Variants in MBNL1 observed in about 807,000 individuals in gnomAD.
MBNL1 encodes the protein muscleblind-like protein 1.
A neutral mutation model predicts 42.2 loss-of-function variants in MBNL1; 8 were observed. The ratio of observed to expected loss-of-function variants is 0.19; its 90% CI spans 0.11 to 0.34. The LOEUF is 0.34. MBNL1 is among the 10% of genes least tolerant of loss of function. MBNL1 has a pLI of 1.00. For synonymous variants in MBNL1, 169 were observed against 173.9 expected (o/e 0.97, Z 0.22); for missense variants, 309 against 495.3 (o/e 0.62, Z 3.57).
At chr3:152,374,528 C>T (rs2096817445) in intron 2 of MBNL1, among the ~76,000 whole-genome samples, 1 of 152,172 alleles carries the variant, frequency 6.6e-6, no homozygotes. Flanking sequence ...ACAGATATGC[C>T]TGGTATTCCC....
At chr3:152,415,426 T>C (rs2098683205) in intron 3 of MBNL1, among the ~76,000 whole-genome samples, 1 of 152,216 alleles carries the variant, frequency 6.6e-6, no homozygotes, top group South Asian at 2.1e-4. Flanking sequence ...CTCACCGGTA[T>C]AGTCAATATA....
intron 1 of MBNL1, among the ~76,000 whole-genome samples, chr3:152,296,439 G>A (rs935381488): frequency 6.6e-6 from 1 of 152,192 alleles, no homozygotes; most frequent in Non-Finnish European, 1.5e-5. Context: ...AGACTTGTGA[G>A]TAGGAAGGTA....
intron 2 of MBNL1, among the ~76,000 whole-genome samples, chr3:152,403,656 G>T (rs933193665): frequency 2.6e-5 from 4 of 152,130 alleles, no homozygotes; most frequent in Non-Finnish European, 5.9e-5. Context: ...CTCTAGGTAT[G>T]GGGGTGGAGT....
chr3:152,413,689 T>G (rs1290561741), intron 2 of MBNL1, among the ~76,000 whole-genome samples: 3 of 152,194 alleles, frequency 2.0e-5, no homozygotes, highest in Non-Finnish European at 2.9e-5. Context: ...TATACTAAAT[T>G]GGTGTTTTTA....
chr3:152,278,555 C>T (rs932555878), intron 1 of MBNL1, among the ~76,000 whole-genome samples: 1 of 152,058 alleles, frequency 6.6e-6, no homozygotes, highest in Admixed American at 6.6e-5. Flanking sequence ...TGAAAATTGC[C>T]TACGGGAAAT....
intron 2 of MBNL1, among the ~76,000 whole-genome samples, chr3:152,309,671 A>C (rs1016508309): frequency 2.6e-4 from 40 of 152,188 alleles, no homozygotes; most frequent in African/African-American, 9.7e-4. Flanking sequence ...ATACAGACAT[A>C]ATCAGTGTTT....
chr3:152,319,436 C>A (rs1483738107), intron 2 of MBNL1, among the ~76,000 whole-genome samples: 1 of 151,796 alleles, frequency 6.6e-6, no homozygotes, highest in Non-Finnish European at 1.5e-5. Flanking sequence ...TCATTAGGAC[C>A]CTTTAAATGT....
intron 2 of MBNL1, among the ~76,000 whole-genome samples, chr3:152,251,789 A>G (rs2034588219): frequency 6.6e-6 from 1 of 151,940 alleles, no homozygotes; most frequent in Non-Finnish European, 1.5e-5. Flanking sequence ...TGCCTAGTCA[A>G]GGTGTTGTCT....
intron 2 of MBNL1, chr3:152,340,195 A>C: frequency 4.7e-6 from 1 of 213,216 alleles, no homozygotes; most frequent in South Asian, 1.2e-4. Context: ...GGTAGCAGGC[A>C]CCTGTAGTCC....
chr3:152,281,089 A>G (rs1439425679), intron 1 of MBNL1, among the ~76,000 whole-genome samples: 1 of 152,184 alleles, frequency 6.6e-6, no homozygotes, highest in Non-Finnish European at 1.5e-5. Context: ...TTATTAAAAT[A>G]GCTACTTTCT....
intron 2 of MBNL1, among the ~76,000 whole-genome samples, chr3:152,353,020 T>C (rs188257651): frequency 6.6e-6 from 1 of 152,362 alleles, no homozygotes; most frequent in East Asian, 1.9e-4. Flanking sequence ...ACAACACTTG[T>C]AGTAAACTCT....
intron 2 of MBNL1, among the ~76,000 whole-genome samples, chr3:152,391,658 C>T (rs1320343181): frequency 2.0e-5 from 3 of 152,188 alleles, no homozygotes; most frequent in Non-Finnish European, 2.9e-5. Flanking sequence ...ACATGTGCAG[C>T]ATATTGCTAA....
At chr3:152,347,680 C>T (rs2094459403) in intron 2 of MBNL1, among the ~76,000 whole-genome samples, 1 of 152,042 alleles carries the variant, frequency 6.6e-6, no homozygotes, top group African/African-American at 2.4e-5. Context: ...GACAGGTCCC[C>T]ATTTGATCAC....
chr3:152,325,500 T>C (rs958281138), intron 2 of MBNL1, among the ~76,000 whole-genome samples: 2 of 152,132 alleles, frequency 1.3e-5, no homozygotes, highest in Non-Finnish European at 2.9e-5. Context: ...AGATAATGCA[T>C]ACACATGTGA....
At chr3:152,247,806 G>A (rs866094685) in intron 2 of MBNL1, among the ~76,000 whole-genome samples, 14 of 151,420 alleles carry the variant, frequency 9.2e-5, no homozygotes, top group Non-Finnish European at 1.8e-4. Flanking sequence ...TAATATTATG[G>A]GGGAAAATAC....
chr3:152,330,862 A>G (rs1198272563), intron 2 of MBNL1, among the ~76,000 whole-genome samples: 2 of 152,120 alleles, frequency 1.3e-5, no homozygotes, highest in African/African-American at 4.8e-5. Context: ...AGGGGTTGTT[A>G]CTGTCCATGG....
At chr3:152,335,029 C>G (rs1365832613) in intron 2 of MBNL1, 1 of 1,194,712 alleles carries the variant, frequency 8.4e-7, no homozygotes, top group Non-Finnish European at 1.1e-6. Context: ...TCTGCTCCAG[C>G]TTCTGCTGCT....
intron 2 of MBNL1, among the ~76,000 whole-genome samples, chr3:152,343,916 A>G (rs1248974014): frequency 1.3e-5 from 2 of 152,144 alleles, no homozygotes; most frequent in African/African-American, 2.4e-5. Context: ...GTATTTATAA[A>G]TGTGTCATTG....
intron 1 of MBNL1, among the ~76,000 whole-genome samples, chr3:152,290,255 A>G (rs2055097264): frequency 6.6e-6 from 1 of 152,104 alleles, no homozygotes; most frequent in Non-Finnish European, 1.5e-5. Flanking sequence ...CAGTGTGGCA[A>G]CTATTAAGTT....
Sources: allele counts gnomAD v4.1 joint callset (sites outside exome capture counted in the v4.1 genomes callset), GRCh38; gene constraint gnomAD v4.1.1; transcripts MANE v1.5; gene names NCBI Gene and HGNC (gene_info 2026-07-23, HGNC 2026-07-21).